Variants in TMED10 observed in about 807,000 individuals in gnomAD.
The protein encoded by TMED10 is transmembrane p24 trafficking protein 10.
Under a neutral mutation model 23.1 loss-of-function variants are expected in TMED10, and 7 were observed. The observed-to-expected ratio is 0.30, with a 90% CI of 0.17 to 0.57. TMED10 has a LOEUF of 0.57. Ranked by LOEUF, TMED10 falls within the 20% of genes least tolerant of loss-of-function variation. TMED10 has a pLI of 0.91. For synonymous variants in TMED10, 113 were observed against 106.9 expected (o/e 1.06, Z -0.35); for missense variants, 162 against 274.8 (o/e 0.59, Z 2.90).
Position 75,135,786 on chromosome 14 carries a change from C to G in TMED10, c.512G>C (p.Arg171Thr). 6.2e-7 allele frequency: 1 copy of G among 1,614,164 alleles called. No individual in the cohort carries two copies. The highest frequency in any genetic ancestry group is 2.2e-5 in the East Asian group (1 of 44,874). ...GTTGGTATCACGCATCTCCTCTTCT[C>G]TCTTCTTCATGTAGGCAAAATCATT... is the stretch of plus-strand genomic sequence containing the variant. Reference protein sequence around the residue: ...IVNDFAYMKKREEEMRDTNES... With the variant: ...IVNDFAYMKKTEEEMRDTNES... Residue 171 changes from arginine to threonine, a missense_variant, in exon 4 of 5, where the codon AGA (arginine) becomes ACA (threonine). By Grantham distance (71) the Arg-to-Thr change is moderately conservative. Coordinates refer to ENST00000303575, the MANE Select transcript of TMED10 (RefSeq NM_006827.6).
At chr14:75,139,201 A>G (rs1288365281) in intron 3 of TMED10, 2 of 444,724 alleles carry the variant, frequency 4.5e-6, no homozygotes, top group East Asian at 7.1e-5. Context: ...ACAGAAAAAT[A>G]TAACTTAAAA....
chr14:75,150,102 C>T (rs986244987), intron 2 of TMED10, among the ~76,000 whole-genome samples: 2 of 151,930 alleles, frequency 1.3e-5, no homozygotes, highest in Non-Finnish European at 2.9e-5. Context: ...TTGTTTCACA[C>T]ACACACAAAA....
chr14:75,160,616 T>A (rs175422), intron 1 of TMED10, among the ~76,000 whole-genome samples: 75,737 of 152,032 alleles, frequency 0.5, 19,415 homozygotes, highest in Middle Eastern at 0.56. Context: ...ATAATAGTGA[T>A]AATAAAGTTC....
At chr14:75,145,626 A>C (rs1404010031) in intron 3 of TMED10, among the ~76,000 whole-genome samples, 1 of 152,126 alleles carries the variant, frequency 6.6e-6, no homozygotes. Context: ...TCTCTACTAA[A>C]AATACAAAAA....
chr14:75,170,002 C>T (rs1347760040), intron 1 of TMED10, among the ~76,000 whole-genome samples: 5 of 151,236 alleles, frequency 3.3e-5, no homozygotes, highest in East Asian at 2.0e-4. Context: ...CAGAGGCGGG[C>T]GGATCATGAG....
intron 1 of TMED10, among the ~76,000 whole-genome samples, chr14:75,157,052 C>T (rs1386023411): frequency 6.6e-6 from 1 of 152,186 alleles, no homozygotes; most frequent in East Asian, 1.9e-4. Context: ...AGAAAGCTGA[C>T]TAACATCACA....
At chr14:75,149,337 C>A (rs1199128647) in intron 2 of TMED10, among the ~76,000 whole-genome samples, 1 of 152,204 alleles carries the variant, frequency 6.6e-6, no homozygotes. Context: ...TCTTGCTCTC[C>A]TGTGCATTCT....
chr14:75,163,080 A>T (rs965486972), intron 1 of TMED10, among the ~76,000 whole-genome samples: 5 of 145,416 alleles, frequency 3.4e-5, no homozygotes, highest in Admixed American at 2.1e-4. Context: ...AAAAATAATT[A>T]AAAAAAAAAA....
At position 75,132,474 on chromosome 14, in the gene TMED10, A is replaced by G. The variant is rs1895699302; in HGVS notation, c.*2411T>C. The stretch of plus-strand genomic sequence containing the variant: ...TTGGATGCATCCTCTGTAACTTAGT[A>G]TATGTAATACTACAGATAGACTTTC... On this transcript the variant is annotated 3_prime_UTR_variant, in exon 5 of 5. Transcript: ENST00000303575. 1 of 146,330 alleles carries G rather than the reference A, an allele frequency of 6.8e-6. No homozygotes were observed. Among genetic ancestry groups the G allele is most frequent in the Non-Finnish European group, 1.5e-5 (1 of 66,716 alleles). The allele number at this position is 146,330 out of a possible 1,614,324, so 9.1% of individuals were successfully genotyped here.
intron 3 of TMED10, among the ~76,000 whole-genome samples, chr14:75,141,595 G>A (rs1315760139): frequency 6.6e-6 from 1 of 152,176 alleles, no homozygotes. Context: ...TGCAGATGAG[G>A]AAACTAAGGC....
At chr14:75,147,226 T>C (rs1432339900) in intron 3 of TMED10, among the ~76,000 whole-genome samples, 1 of 144,314 alleles carries the variant, frequency 6.9e-6, no homozygotes, top group African/African-American at 2.7e-5. Flanking sequence ...CCTTGCCCTG[T>C]CGCCCAGGCT....
intron 1 of TMED10, 165 bp downstream of exon 1, chr14:75,176,190 G>A (rs1896303038): frequency 3.6e-6 from 3 of 824,660 alleles, no homozygotes; most frequent in Non-Finnish European, 5.5e-6. Flanking sequence ...CCCCGCGACA[G>A]GCAACCAGCG....
At chr14:75,172,893 A>AT (rs988608216) in intron 1 of TMED10, among the ~76,000 whole-genome samples, 2,015 of 149,240 alleles carry the variant, frequency 0.014, 37 homozygotes, top group African/African-American at 0.046. Context: ...GGCTGGTGAA[A>AT]TTTTTTTTTT....
chr14:75,145,416 AC>A (rs1895871078), intron 3 of TMED10, among the ~76,000 whole-genome samples: 1 of 152,226 alleles, frequency 6.6e-6, no homozygotes, highest in African/African-American at 2.4e-5. Context: ...ATATAAACCC[AC>A]AATAATGTCA....
rs1895717870 is a variant in TMED10, at chr14:75,134,005, A to G, written c.*880T>C. 4.8e-6 allele frequency: 1 copy of G among 207,276 alleles called. No individual in the cohort carries two copies. The highest frequency in any genetic ancestry group is 9.8e-6 in the Non-Finnish European group (1 of 101,696). 12.8% of individuals were successfully genotyped at this position (207,276 alleles called of 1,614,324 possible). A position where few individuals can be genotyped will look rare whatever the true frequency, so the allele number is the denominator to read the frequency against. On this transcript the variant is annotated 3_prime_UTR_variant, in exon 5 of 5. Transcript: ENST00000303575. Reference sequence around the variant, plus strand: ...AAAAAGATCAGCCTCGTAAGATTACATTCTGTATGATTCCATTCATACAAC... The same window carrying G: ...AAAAAGATCAGCCTCGTAAGATTACGTTCTGTATGATTCCATTCATACAAC...
chr14:75,138,219 T>C (rs910895460), intron 3 of TMED10, among the ~76,000 whole-genome samples: 1 of 152,230 alleles, frequency 6.6e-6, no homozygotes, highest in Admixed American at 6.5e-5. Context: ...ACAAAAGTTA[T>C]TTAAAATAAA....
chr14:75,171,550 G>C (rs1896233585), intron 1 of TMED10, among the ~76,000 whole-genome samples: 1 of 152,140 alleles, frequency 6.6e-6, no homozygotes, highest in African/African-American at 2.4e-5. Flanking sequence ...AAAGCGTTGG[G>C]ATTACAGACG....
rs1391378252 is a variant in TMED10 at position 75,131,730 on chromosome 14, TGTCA to T, written c.*3151_*3154del. 1.3e-5 allele frequency: 2 copies of T among 152,292 alleles called. No individual in the cohort carries two copies. Among genetic ancestry groups the T allele is most frequent in the African/African-American group, 2.4e-5 (1 of 41,466 alleles). The allele number at this position is 152,292 out of a possible 1,614,324, so 9.4% of individuals were successfully genotyped here. On this transcript the variant is annotated 3_prime_UTR_variant, in exon 5 of 5. Coordinates refer to ENST00000303575, the MANE Select transcript of TMED10 (RefSeq NM_006827.6). Reference sequence around the variant, plus strand: ...CGATTTTAAAGCTTATTTGCTCTTGTGTCAGTCTTTTGTCAAAGGCAAATACATT... The same window carrying T: ...CGATTTTAAAGCTTATTTGCTCTTGTGTCTTTTGTCAAAGGCAAATACATT...
intron 3 of TMED10, among the ~76,000 whole-genome samples, chr14:75,144,238 CT>C (rs1444047745): frequency 6.6e-6 from 1 of 152,192 alleles, no homozygotes; most frequent in African/African-American, 2.4e-5. Flanking sequence ...CTACAAACAA[CT>C]GCTCTAGTTC....
Sources: gnomAD v4.1 joint callset for allele counts (sites outside exome capture counted in the v4.1 genomes callset) on GRCh38, gnomAD v4.1.1 for gene constraint, MANE v1.5 for transcripts, NCBI Gene and HGNC (gene_info 2026-07-23, HGNC 2026-07-21) for gene names.